The following PDK1 variants were observed in gnomAD, a reference collection of about 807,000 sequenced individuals.
The protein encoded by PDK1 is pyruvate dehydrogenase kinase 1, also known as [Pyruvate dehydrogenase (acetyl-transferring)] kinase isozyme 1, mitochondrial.
In PDK1, 39 loss-of-function variants were observed where a neutral mutation model predicts 54.2. That is an observed-to-expected ratio of 0.72 (90% confidence interval 0.56 to 0.94). The LOEUF (loss-of-function observed/expected upper bound fraction) is 0.94, where lower values mean the gene tolerates loss of function less well. PDK1 is among the 40% of genes least tolerant of loss of function. PDK1 has a pLI of 0.00. For synonymous variants in PDK1, 221 were observed against 207.1 expected, an observed-to-expected ratio of 1.07 and a Z score of -0.58; for missense variants, 552 against 566.0, an observed-to-expected ratio of 0.98 and a Z score of 0.25.
At chr2:172,629,826 T>C in the PDK1 span, among the ~76,000 whole-genome samples, 2 of 152,164 alleles carry the variant, frequency 1.3e-5, no homozygotes, top group Non-Finnish European at 2.9e-5. Context: ...GAAGTGCTCA[T>C]CCTGGCCTCT....
At chr2:172,696,621 TTAA>T in the PDK1 span, among the ~76,000 whole-genome samples, 1 of 152,224 alleles carries the variant, frequency 6.6e-6, no homozygotes, top group Admixed American at 6.5e-5. Context: ...ATATTAGGAT[TTAA>T]TAATATCCTA....
chr2:172,561,259 C>T (rs921311555), intron 2 of PDK1, among the ~76,000 whole-genome samples: 4 of 152,198 alleles, frequency 2.6e-5, no homozygotes, highest in African/African-American at 9.7e-5. Context: ...ACTCAAATAT[C>T]TCTTGGATGG....
the PDK1 span, among the ~76,000 whole-genome samples, chr2:172,695,279 T>C: frequency 6.6e-6 from 1 of 152,290 alleles, no homozygotes; most frequent in East Asian, 1.9e-4. Context: ...TGCCATACTG[T>C]GCTCTATCAC....
chr2:172,654,879 G>C, the PDK1 span, among the ~76,000 whole-genome samples: 11 of 152,166 alleles, frequency 7.2e-5, no homozygotes, highest in African/African-American at 2.2e-4. Flanking sequence ...TTTCACCCGA[G>C]AGGTTACCTA....
the PDK1 span, among the ~76,000 whole-genome samples, chr2:172,692,724 G>C: frequency 6.6e-6 from 1 of 152,304 alleles, no homozygotes; most frequent in African/African-American, 2.4e-5. Context: ...GCCATGAGGT[G>C]ATGCCAGGGC....
Position 172,596,276 on chromosome 2 carries a change from G to A in PDK1, c.*307G>A, listed in dbSNP as rs531641158. 6.7e-5 allele frequency: 11 copies of A among 164,440 alleles called. No individual in the cohort carries two copies. In the South Asian group the frequency reaches 2.1e-3, roughly 32 times the overall value. The allele number at this position is 164,440 out of a possible 1,614,324, so 10.2% of individuals were successfully genotyped here. On this transcript the variant is annotated 3_prime_UTR_variant, in exon 11 of 11. Transcript: ENST00000282077. The stretch of plus-strand genomic sequence containing the variant: ...ATCTTCGGGTTTCTATAGGAAACTA[G>A]TTTTTTTTTTTTAAGAAATACTTTC...
chr2:172,705,298 A>G, the PDK1 span, among the ~76,000 whole-genome samples: 12 of 152,364 alleles, frequency 7.9e-5, no homozygotes, highest in Admixed American at 7.2e-4. Context: ...AAGGTCCAAC[A>G]GTCCCTTTCT....
chr2:172,617,133 A>C, the PDK1 span, among the ~76,000 whole-genome samples: 1 of 151,856 alleles, frequency 6.6e-6, no homozygotes, highest in Admixed American at 6.6e-5. Context: ...TTGTATTTTC[A>C]GTAGGGATGG....
In PDK1 at chr2:172,558,804, C is replaced by T. The variant is rs757673678; in HGVS notation, c.293C>T (p.Pro98Leu). 6.2e-7 allele frequency: 1 copy of T among 1,611,692 alleles called. No homozygotes were observed. Among genetic ancestry groups the T allele is most frequent in the Non-Finnish European group, 8.5e-7 (1 of 1,179,078 alleles). Residue 98 changes from proline to leucine, a missense_variant, in exon 2 of 11, where the codon CCA (proline) becomes CTA (leucine). Transcript: ENST00000282077. Reference protein sequence around the residue: ...ANIMKEISLLPDNLLRTPSVQ... With the variant: ...ANIMKEISLLLDNLLRTPSVQ... ...ATAATGAAAGAAATAAGTCTCCTTC[C>T]AGATAATCTTCTCAGGACACCATCC... is the stretch of plus-strand genomic sequence containing the variant.
the PDK1 span, among the ~76,000 whole-genome samples, chr2:172,702,115 C>G: frequency 6.6e-6 from 1 of 152,160 alleles, no homozygotes; most frequent in Non-Finnish European, 1.5e-5. Flanking sequence ...TGGGATGACT[C>G]AAAGACGACT....
At chr2:172,685,762 G>A in the PDK1 span, among the ~76,000 whole-genome samples, 1 of 152,090 alleles carries the variant, frequency 6.6e-6, no homozygotes, top group African/African-American at 2.4e-5. Context: ...ATGATCTTAG[G>A]TGACTTTTTG....
chr2:172,691,599 C>T, the PDK1 span, among the ~76,000 whole-genome samples: 2 of 152,214 alleles, frequency 1.3e-5, no homozygotes, highest in Non-Finnish European at 2.9e-5. Context: ...CCCTGGCAAC[C>T]ACTGATCGTT....
At chr2:172,590,681 A>G (rs954907529) in intron 9 of PDK1, among the ~76,000 whole-genome samples, 2 of 152,126 alleles carry the variant, frequency 1.3e-5, no homozygotes, top group Non-Finnish European at 2.9e-5. Flanking sequence ...AAGTTTCCGC[A>G]GTGTGGAAGG....
chr2:172,686,816 A>C, the PDK1 span, among the ~76,000 whole-genome samples: 1 of 152,150 alleles, frequency 6.6e-6, no homozygotes, highest in Non-Finnish European at 1.5e-5. Flanking sequence ...TCTTGATCTA[A>C]ATCCATTTAT....
chr2:172,668,306 A>G, the PDK1 span, among the ~76,000 whole-genome samples: 1 of 151,358 alleles, frequency 6.6e-6, no homozygotes, highest in Non-Finnish European at 1.5e-5. Context: ...CAATGAAACA[A>G]AGTTTAAGAG....
At chr2:172,586,252 A>G in intron 8 of PDK1, 26 bp from the exon 9 acceptor site, 1 of 1,421,768 alleles carries the variant, frequency 7.0e-7, no homozygotes, top group African/African-American at 1.4e-5. Context: ...ATTTGGGCAT[A>G]GAGCACGATC....
chr2:172,672,402 T>C, the PDK1 span, among the ~76,000 whole-genome samples: 118 of 152,344 alleles, frequency 7.7e-4, no homozygotes, highest in Non-Finnish European at 1.6e-3. Flanking sequence ...TCACCATTTG[T>C]TCTCTTCACA....
chr2:172,669,615 G>A, the PDK1 span, among the ~76,000 whole-genome samples: 1 of 152,102 alleles, frequency 6.6e-6, no homozygotes, highest in Admixed American at 6.5e-5. Flanking sequence ...GTCCAAAATG[G>A]CTGTACTAAT....
intron 8 of PDK1, among the ~76,000 whole-genome samples, chr2:172,581,169 T>C (rs1689885882): frequency 6.6e-6 from 1 of 152,192 alleles, no homozygotes; most frequent in Admixed American, 6.5e-5. Flanking sequence ...CTCAGCTTGC[T>C]GCAAGCTCCG....
Sources: gnomAD v4.1 joint callset for allele counts (sites outside exome capture counted in the v4.1 genomes callset) on GRCh38, gnomAD v4.1.1 for gene constraint, MANE v1.5 for transcripts, NCBI Gene and HGNC (gene_info 2026-07-23, HGNC 2026-07-21) for gene names.